TTYH2: variants seen among roughly 807,000 people sequenced by gnomAD.
TTYH2 encodes the protein tweety family member 2, also known as protein tweety homolog 2.
Under a neutral mutation model 68.3 loss-of-function variants are expected in TTYH2, and 49 were observed. That is an observed-to-expected ratio of 0.72 (90% CI 0.57 to 0.91). The LOEUF is 0.91. Among genes scored for constraint, TTYH2 ranks in the 40% least tolerant of loss-of-function variants. The pLI is 0.00. For missense variants in TTYH2, 631 were observed against 700.4 expected (o/e 0.90, Z 1.12); for synonymous variants, 272 against 300.8 (o/e 0.90, Z 0.99).
At position 74,249,010 on chromosome 17, in the gene TTYH2, G is replaced by A; in HGVS notation, c.805-1G>A. 1.2e-6 allele frequency: 2 copies of A among 1,614,104 alleles called. No homozygotes were observed. The highest frequency in any genetic ancestry group is 1.7e-6 in the Non-Finnish European group (2 of 1,180,020). On this transcript the variant is annotated splice_acceptor_variant, in intron 6 of 13. Transcript: ENST00000269346. LOFTEE classifies it high-confidence loss of function. ...ACCCCGTCCCTCTCTCCCTCACTCA[G>A]GCCACCAGTGACTTCTGTGTGGCTC...
At position 74,241,439 on chromosome 17, in the gene TTYH2, C is replaced by T. The variant is rs988608933; in HGVS notation, c.636-1935C>T. Among the ~76,000 whole-genome samples the T allele has an allele frequency of 6.6e-6, 1 of 152,182 alleles. No individual in the cohort carries two copies. Reference sequence around the variant, plus strand: ...AAGCCCCCGGCTCCATTCCGGGGAACCCCAGAGACCTAGTGTGTGCTGCCC... The same window carrying T: ...AAGCCCCCGGCTCCATTCCGGGGAATCCCAGAGACCTAGTGTGTGCTGCCC... On this transcript the variant is annotated intron_variant, in intron 4 of 13. Coordinates refer to ENST00000269346, the MANE Select transcript of TTYH2 (RefSeq NM_032646.6). The surrounding 1 kb of genome is among the most constrained non-coding windows in gnomAD (Gnocchi z 4.1).
intron 2 of TTYH2, among the ~76,000 whole-genome samples, chr17:74,228,228 C>T (rs1218623579): frequency 6.6e-6 from 1 of 152,148 alleles, no homozygotes; most frequent in Admixed American, 6.5e-5. Context: ...AGATGATCTG[C>T]CTGCCTCAGC....
At chr17:74,257,521 C>T (rs945243315) in intron 13 of TTYH2, among the ~76,000 whole-genome samples, 1 of 152,172 alleles carries the variant, frequency 6.6e-6, no homozygotes, top group Non-Finnish European at 1.5e-5. Flanking sequence ...CGAGCAAGTT[C>T]GAGAGGTGGA....
chr17:74,224,464 A>G (rs1444525691), intron 2 of TTYH2, among the ~76,000 whole-genome samples: 1 of 152,198 alleles, frequency 6.6e-6, no homozygotes, highest in Non-Finnish European at 1.5e-5. Context: ...TTGGAAGAAT[A>G]CTTTGGAACA....
At chr17:74,225,951 C>T (rs982396947) in intron 2 of TTYH2, among the ~76,000 whole-genome samples, 3 of 152,176 alleles carry the variant, frequency 2.0e-5, no homozygotes, top group South Asian at 2.1e-4. Context: ...TACACCTGGG[C>T]GTGGGCAGTG....
chr17:74,242,767 A>T (rs1214892943), intron 4 of TTYH2, among the ~76,000 whole-genome samples: 1 of 152,030 alleles, frequency 6.6e-6, no homozygotes, highest in African/African-American at 2.4e-5. Flanking sequence ...AGCCAGGCTG[A>T]GTGTTTGTCA....
chr17:74,255,021 T>C (rs2050679013), intron 13 of TTYH2, among the ~76,000 whole-genome samples: 1 of 151,914 alleles, frequency 6.6e-6, no homozygotes, highest in Non-Finnish European at 1.5e-5. Context: ...CTCAGGGGAG[T>C]AGCTCAGGGT....
chr17:74,221,364 T>C (rs906136923), intron 1 of TTYH2, among the ~76,000 whole-genome samples: 1 of 152,202 alleles, frequency 6.6e-6, no homozygotes, highest in African/African-American at 2.4e-5. Context: ...TATCTCTGTG[T>C]GTGCCTGTCC....
chr17:74,224,235 C>A (rs147237298), intron 2 of TTYH2, among the ~76,000 whole-genome samples: 3,633 of 152,202 alleles, frequency 0.024, 72 homozygotes, highest in Middle Eastern at 0.065. Context: ...TGTAGTGAGA[C>A]CTCACCTCTA....
At chr17:74,228,860 C>G (rs2050358849) in intron 2 of TTYH2, among the ~76,000 whole-genome samples, 1 of 152,182 alleles carries the variant, frequency 6.6e-6, no homozygotes, top group Non-Finnish European at 1.5e-5. Context: ...ATTAGACTTT[C>G]ATTTGGAGGA....
rs1292887192 is a variant in TTYH2 at position 74,238,883 on chromosome 17, AT to A, written c.635+1378del. ...ACTCCATCTCAAAAAAAAAAAAAAA[AT>A]TTTTTTTTAGAAATAGGGGTCTTGC... is the stretch of plus-strand genomic sequence containing the variant. On this transcript the variant is annotated intron_variant, in intron 4 of 13. Coordinates refer to ENST00000269346, the MANE Select transcript of TTYH2 (RefSeq NM_032646.6). Among the ~76,000 whole-genome samples, 7 of 134,328 alleles carry A rather than the reference AT, an allele frequency of 5.2e-5. No individual in the cohort carries two copies. The East Asian group carries it at 6.1e-4, about 12-fold the overall frequency. The allele number at this position is 134,328 out of a possible 152,430, so 88.1% of individuals were successfully genotyped here. A position where few individuals can be genotyped will look rare whatever the true frequency, so the allele number is the denominator to read the frequency against.
chr17:74,248,471 G>A (rs1197217948), intron 6 of TTYH2: 2 of 987,744 alleles, frequency 2.0e-6, no homozygotes, highest in South Asian at 4.7e-5. Flanking sequence ...GTGAGCACCT[G>A]CACCCAAGGC....
At chr17:74,251,244 T>G (rs2050622833) in intron 10 of TTYH2, among the ~76,000 whole-genome samples, 1 of 149,116 alleles carries the variant, frequency 6.7e-6, no homozygotes, top group Admixed American at 6.7e-5. Flanking sequence ...GTGTGTGGGG[T>G]GTGTGGTGTG....
At chr17:74,233,775 CCA>C (rs538681857) in intron 3 of TTYH2, among the ~76,000 whole-genome samples, 2 of 152,092 alleles carry the variant, frequency 1.3e-5, no homozygotes, top group Non-Finnish European at 2.9e-5. Flanking sequence ...GCTGCACGCC[CCA>C]GTCTAGGGGA....
intron 2 of TTYH2, among the ~76,000 whole-genome samples, chr17:74,226,164 C>T (rs1252130817): frequency 6.6e-6 from 1 of 152,214 alleles, no homozygotes; most frequent in East Asian, 1.9e-4. Flanking sequence ...TGCCTTTGAA[C>T]CATCCAAGTG....
chr17:74,215,575 T>C lies in TTYH2; in HGVS notation c.129+1859T>C. ...CCATCGGCCACTGCTCCTGGGCAGC[T>C]GACACCAGCCCTGCCCACTGGCTCC... is the stretch of plus-strand genomic sequence containing the variant. On this transcript the variant is annotated intron_variant, in intron 1 of 13. Coordinates refer to ENST00000269346, the MANE Select transcript of TTYH2 (RefSeq NM_032646.6). The surrounding 1 kb of genome is among the most constrained non-coding windows in gnomAD (Gnocchi z 4.3). 2 of 1,500,086 alleles carry C rather than the reference T, an allele frequency of 1.3e-6. No individual in the cohort carries two copies. The highest frequency in any genetic ancestry group is 2.4e-5 in the South Asian group (2 of 82,748). The allele number at this position is 1,500,086 out of a possible 1,614,324, so 92.9% of individuals were successfully genotyped here. A position where few individuals can be genotyped will look rare whatever the true frequency, so the allele number is the denominator to read the frequency against.
At chr17:74,252,808 G>C (rs8081928) in intron 11 of TTYH2, among the ~76,000 whole-genome samples, 63,409 of 152,088 alleles carry the variant, frequency 0.42, 13,909 homozygotes, top group African/African-American at 0.54. Context: ...ACAGGCACCT[G>C]GTGAGCGGAT....
chr17:74,218,432 G>A (rs749298105), intron 1 of TTYH2, among the ~76,000 whole-genome samples: 49 of 152,136 alleles, frequency 3.2e-4, no homozygotes, highest in Non-Finnish European at 6.8e-4. Flanking sequence ...CAGCAGTTTG[G>A]GAGGCCAAGG....
intron 1 of TTYH2, among the ~76,000 whole-genome samples, chr17:74,219,392 A>C (rs1203752952): frequency 6.6e-6 from 1 of 151,192 alleles, no homozygotes; most frequent in Non-Finnish European, 1.5e-5. Flanking sequence ...CGTGTCAAAA[A>C]AAAAAAAAAA....
Sources: gnomAD v4.1 joint callset for allele counts (sites outside exome capture counted in the v4.1 genomes callset) on GRCh38, gnomAD v4.1.1 for gene constraint, Gnocchi (gnomAD v3.1) non-coding constraint, MANE v1.5 for transcripts, NCBI Gene and HGNC (gene_info 2026-07-23, HGNC 2026-07-21) for gene names.